Variants in SLC4A7 observed in about 807,000 individuals in gnomAD.
SLC4A7 encodes the protein solute carrier family 4 member 7, also known as sodium bicarbonate cotransporter 3.
A neutral mutation model predicts 137.6 loss-of-function variants in SLC4A7; 51 were observed. That is an observed-to-expected ratio of 0.37 (90% CI 0.30 to 0.47). The LOEUF is 0.47. SLC4A7 is among the 20% of genes least tolerant of loss of function. The pLI, the probability that SLC4A7 is intolerant of heterozygous loss-of-function variation, is 1.00. For synonymous variants in SLC4A7, 542 were observed against 518.6 expected, an observed-to-expected ratio of 1.05 and a Z score of -0.61; for missense variants, 1,247 against 1,525.4, an observed-to-expected ratio of 0.82 and a Z score of 3.04.
chr3:27,428,652 G>A (rs1246301558), intron 7 of SLC4A7, among the ~76,000 whole-genome samples: 1 of 152,180 alleles, frequency 6.6e-6, no homozygotes, highest in Non-Finnish European at 1.5e-5. Context: ...GTATGATGCA[G>A]GGGAAGATGA....
At position 27,442,871 on chromosome 3, in the gene SLC4A7, G is replaced by A. The variant is rs914571519; in HGVS notation, c.290-5345C>T. Among the ~76,000 whole-genome samples, 7 of 152,072 alleles carry A rather than the reference G, an allele frequency of 4.6e-5. No individual in the cohort carries two copies. The South Asian group carries it at 1.0e-3, about 23-fold the overall frequency. On this transcript the variant is annotated intron_variant, in intron 3 of 25. Transcript: ENST00000454389. ...TCCTGGTTACTATCCTGGAACAGCA[G>A]GGGCCAGGCTGTTCCCCTCTGCAAA...
At chr3:27,471,960 A>C (rs1405835472) in intron 1 of SLC4A7, among the ~76,000 whole-genome samples, 6 of 152,176 alleles carry the variant, frequency 3.9e-5, no homozygotes, top group Non-Finnish European at 2.9e-5. Flanking sequence ...TTTACATGAA[A>C]ATCTTCTCAA....
Position 27,398,091 on chromosome 3 carries a change from G to C in SLC4A7, c.2589+101C>G, listed in dbSNP as rs1355000005. 3 of 819,898 alleles carry C rather than the reference G, an allele frequency of 3.7e-6. No homozygotes were observed. The African/African-American group carries it at 5.2e-5, about 14-fold the overall frequency. 50.8% of individuals were successfully genotyped at this position (819,898 alleles called of 1,614,324 possible). On this transcript the variant is annotated intron_variant, in intron 17 of 25. Coordinates refer to ENST00000454389, the MANE Select transcript of SLC4A7 (RefSeq NM_001321103.2). Reference sequence around the variant, plus strand: ...TTCTTTATTAACCAGTTGGCATGGAGTATTAACCTCAAAAAATATATTACT... The same window carrying C: ...TTCTTTATTAACCAGTTGGCATGGACTATTAACCTCAAAAAATATATTACT...
intron 3 of SLC4A7, among the ~76,000 whole-genome samples, chr3:27,447,640 C>CTTTTTTTTTTTTTTTTTTTTTTTT (rs71087609): frequency 1.0e-5 from 1 of 99,700 alleles, no homozygotes; most frequent in Non-Finnish European, 1.9e-5. Context: ...TTTTACAGCC[C>CTTTTTTTTTTTTTTTTTTTTTTTT]TTTTTTTTTT....
intron 1 of SLC4A7, among the ~76,000 whole-genome samples, chr3:27,474,673 G>A (rs925374666): frequency 1.3e-5 from 2 of 152,062 alleles, no homozygotes; most frequent in Non-Finnish European, 2.9e-5. Flanking sequence ...ACTCCAGCTT[G>A]TGCAACAGTA....
intron 1 of SLC4A7, among the ~76,000 whole-genome samples, chr3:27,483,847 C>G (rs1196530828): frequency 6.6e-6 from 1 of 150,734 alleles, no homozygotes; most frequent in Non-Finnish European, 1.5e-5. Flanking sequence ...CCGGCCGCCC[C>G]GACTCGGGCC....
chr3:27,386,121 T>C (rs949276887), intron 22 of SLC4A7, 98 bp from the exon 23 acceptor site: 3 of 922,252 alleles, frequency 3.3e-6, no homozygotes, highest in Non-Finnish European at 4.8e-6. Flanking sequence ...AAAAAATGCT[T>C]CATATAGTTT....
At chr3:27,422,483 C>A (rs1419461127) in intron 8 of SLC4A7, among the ~76,000 whole-genome samples, 2 of 152,068 alleles carry the variant, frequency 1.3e-5, no homozygotes, top group Non-Finnish European at 1.5e-5. Context: ...ATTGCCCAGG[C>A]TGGTCTTGAA....
chr3:27,443,376 T>A (rs1381628602), intron 3 of SLC4A7, among the ~76,000 whole-genome samples: 1 of 152,170 alleles, frequency 6.6e-6, no homozygotes, highest in African/African-American at 2.4e-5. Context: ...CGAAATTTTC[T>A]AATACTGGTG....
chr3:27,443,032 CTTTTTTTTTTT>C (rs1175482585), intron 3 of SLC4A7, among the ~76,000 whole-genome samples: 1 of 105,384 alleles, frequency 9.5e-6, no homozygotes, highest in African/African-American at 3.5e-5. Context: ...TTCTTTTTTT[CTTTTTTTTTTT>C]TTTTTTGAGA....
intron 1 of SLC4A7, among the ~76,000 whole-genome samples, chr3:27,471,692 C>T (rs1333416553): frequency 6.6e-6 from 1 of 152,176 alleles, no homozygotes; most frequent in Non-Finnish European, 1.5e-5. Flanking sequence ...AGCTTTAATA[C>T]ACTATCAACA....
At chr3:27,393,841 T>C (rs1397120919) in intron 20 of SLC4A7, among the ~76,000 whole-genome samples, 1 of 152,112 alleles carries the variant, frequency 6.6e-6, no homozygotes, top group Non-Finnish European at 1.5e-5. Context: ...ACAAGAGGGA[T>C]GTGATGGAAG....
chr3:27,445,818 G>A (rs1240046994), intron 3 of SLC4A7, among the ~76,000 whole-genome samples: 1 of 145,348 alleles, frequency 6.9e-6, no homozygotes, highest in African/African-American at 2.5e-5. Context: ...TGTAATCCCA[G>A]CTACTTGGGA....
chr3:27,443,050 G>A (rs1185739845), intron 3 of SLC4A7, among the ~76,000 whole-genome samples: 2 of 22,446 alleles, frequency 8.9e-5, no homozygotes, highest in African/African-American at 4.0e-4. Flanking sequence ...TTTTTTTTTT[G>A]AGATGGAGTT....
Position 27,438,527 on chromosome 3 carries a change from C to CAAAAT in SLC4A7, c.290-1006_290-1002dup, listed in dbSNP as rs141000029. Among the ~76,000 whole-genome samples the CAAAAT allele has an allele frequency of 7.2e-3, 1,081 of 149,492 alleles. 25 individuals are homozygous for CAAAAT. Among genetic ancestry groups the CAAAAT allele is most frequent in the Non-Finnish European group, 5.2e-3 (348 of 67,178 alleles). ...CTCAAATAAATAAAATAAAATAACA[C>CAAAAT]AAAATAAAATAAAATAAAATAAAAT... On this transcript the variant is annotated intron_variant, in intron 3 of 25. Coordinates refer to ENST00000454389, the MANE Select transcript of SLC4A7 (RefSeq NM_001321103.2).
intron 1 of SLC4A7, among the ~76,000 whole-genome samples, chr3:27,454,135 C>T (rs1283995364): frequency 6.6e-6 from 1 of 152,006 alleles, no homozygotes; most frequent in African/African-American, 2.4e-5. Flanking sequence ...CATAGCAAGA[C>T]CCCCATCTCC....
rs555061556 is a variant in SLC4A7 at position 27,373,147 on chromosome 3, T to TA, written c.*3616dup. 1.2e-3 allele frequency: 177 copies of TA among 151,414 alleles called. No individual in the cohort carries two copies. Among genetic ancestry groups the TA allele is most frequent in the Admixed American group, 3.5e-3 (54 of 15,222 alleles). The allele number at this position is 151,414 out of a possible 1,614,324, so 9.4% of individuals were successfully genotyped here. On this transcript the variant is annotated 3_prime_UTR_variant, in exon 26 of 26. Coordinates refer to ENST00000454389, the MANE Select transcript of SLC4A7 (RefSeq NM_001321103.2). ...ACTAATCAGTGTGCAAAAATCTGAT[T>TA]AAAAAAACAAAACAAAACTGGGGTT...
intron 1 of SLC4A7, chr3:27,462,690 C>T (rs145212441): frequency 3.2e-4 from 56 of 172,688 alleles, no homozygotes; most frequent in African/African-American, 1.4e-3. Flanking sequence ...TCCTAAAACA[C>T]GGGATCGCTT....
intron 22 of SLC4A7, among the ~76,000 whole-genome samples, chr3:27,387,965 T>C (rs1052520932): frequency 2.6e-5 from 4 of 152,214 alleles, no homozygotes; most frequent in African/African-American, 7.2e-5. Context: ...AAAGCCTTTT[T>C]CTTTAAAGGG....
Sources: gnomAD v4.1 joint callset for allele counts (sites outside exome capture counted in the v4.1 genomes callset) on GRCh38, gnomAD v4.1.1 for gene constraint, MANE v1.5 for transcripts, NCBI Gene and HGNC (gene_info 2026-07-23, HGNC 2026-07-21) for gene names.